Variants in PDGFRA observed in about 807,000 individuals in gnomAD.
PDGFRA encodes platelet-derived growth factor receptor alpha.
PDGFRA carries 25 observed loss-of-function variants against 121.5 expected under a neutral mutation model. The ratio of observed to expected loss-of-function variants is 0.21; its 90% CI spans 0.15 to 0.29. PDGFRA has a LOEUF of 0.29. Among genes scored for constraint, PDGFRA ranks in the 10% least tolerant of loss-of-function variants. PDGFRA has a pLI of 1.00. For synonymous variants in PDGFRA, 463 were observed against 494.8 expected (o/e 0.94, Z 0.85); for missense variants, 1,008 against 1,345.1 (o/e 0.75, Z 3.92).
chr4:54,262,182 G>A (rs146118046), intron 3 of PDGFRA, among the ~76,000 whole-genome samples: 104 of 151,572 alleles, frequency 6.9e-4, no homozygotes, highest in African/African-American at 2.2e-3. Context: ...TGCCTGCTTC[G>A]GCCTCCCAAA....
At position 54,277,020 on chromosome 4, in the gene PDGFRA, A is replaced by T. The variant is rs192566867; in HGVS notation, c.1787-368A>T. On this transcript the variant is annotated intron_variant, in intron 12 of 22. Transcript: ENST00000257290. ...TAAGACAAAAGATGCCCCTGTTTGC[A>T]TATGGAAAACAGAAGGGGAGAGAGC... 7.9e-3 allele frequency among the ~76,000 whole-genome samples: 1,197 copies of T among 152,266 alleles called. 58 individuals are homozygous for T. Among genetic ancestry groups the T allele is most frequent in the Admixed American group, 0.072 (1,108 of 15,288 alleles).
intron 14 of PDGFRA, 51 bp downstream of exon 14, chr4:54,278,057 G>T: frequency 9.0e-7 from 1 of 1,108,464 alleles, no homozygotes; most frequent in South Asian, 1.3e-5. Context: ...ATGTGGTTGT[G>T]AAAACTGTTC....
At chr4:54,285,735 A>G (rs2110336788) in intron 17 of PDGFRA, 106 bp from the exon 18 acceptor site, 2 of 1,240,046 alleles carry the variant, frequency 1.6e-6, no homozygotes, top group Admixed American at 1.7e-5. Context: ...CTTTATATCC[A>G]GGCAGACAGC....
At chr4:54,239,427 A>G (rs573360259) in intron 1 of PDGFRA, among the ~76,000 whole-genome samples, 104 of 152,332 alleles carry the variant, frequency 6.8e-4, no homozygotes, top group Non-Finnish European at 1.0e-3. Flanking sequence ...TCCTTCCTGC[A>G]TGAAGCCAAG....
intron 1 of PDGFRA, among the ~76,000 whole-genome samples, chr4:54,253,832 G>A (rs886926066): frequency 3.3e-5 from 5 of 152,030 alleles, no homozygotes; most frequent in Non-Finnish European, 7.4e-5. Context: ...CTACAGGAGT[G>A]TGCCACCATG....
At chr4:54,268,670 C>G (rs149433988) in intron 7 of PDGFRA, among the ~76,000 whole-genome samples, 34 of 149,986 alleles carry the variant, frequency 2.3e-4, no homozygotes, top group African/African-American at 7.8e-4. Flanking sequence ...AATTTTACAG[C>G]CTCTATAGAA....
At chr4:54,231,029 C>A (rs1399737274) in intron 1 of PDGFRA, among the ~76,000 whole-genome samples, 1 of 152,228 alleles carries the variant, frequency 6.6e-6, no homozygotes, top group Non-Finnish European at 1.5e-5. Context: ...TGTGCGAGAG[C>A]TGCCGATGGC....
intron 16 of PDGFRA, among the ~76,000 whole-genome samples, chr4:54,281,076 A>G (rs1016163053): frequency 2.0e-5 from 3 of 152,202 alleles, no homozygotes; most frequent in Non-Finnish European, 4.4e-5. Context: ...AGGTGGGTCT[A>G]TCTGTTTTTC....
intron 1 of PDGFRA, among the ~76,000 whole-genome samples, chr4:54,256,548 A>AT (rs112937152): frequency 0.047 from 6,714 of 143,908 alleles, 500 homozygotes; most frequent in African/African-American, 0.16. Context: ...TCTACAAATA[A>AT]TTTTTTTTTT....
chr4:54,257,303 T>A (rs1722427968), intron 1 of PDGFRA, among the ~76,000 whole-genome samples: 1 of 152,228 alleles, frequency 6.6e-6, no homozygotes, highest in Non-Finnish European at 1.5e-5. Flanking sequence ...TCATGAATAA[T>A]GCACCCTTAG....
intron 1 of PDGFRA, chr4:54,229,841 G>A (rs760905384): frequency 6.6e-6 from 1 of 152,346 alleles, no homozygotes; most frequent in Admixed American, 6.6e-5. Context: ...GTCCTGGAAG[G>A]CGACAGGTTT....
intron 1 of PDGFRA, among the ~76,000 whole-genome samples, chr4:54,230,145 G>C (rs963067125): frequency 6.6e-6 from 1 of 152,048 alleles, no homozygotes; most frequent in Admixed American, 6.5e-5. Context: ...AGGCGGCTGC[G>C]GGACAAGCAG....
Position 54,295,155 on chromosome 4 carries a change from G to T in PDGFRA, c.3153G>T (p.Glu1051Asp). The change falls in exon 23 of 23, where the codon GAG becomes GAT. Residue 1051 changes from glutamate to aspartate, a missense_variant. Transcript: ENST00000257290. Reference sequence around the variant, plus strand: ...AGACCTCTGAAGAGAGTGCCATTGAGACGGGTTCCAGCAGTTCCACCTTCA... The same window carrying T: ...AGACCTCTGAAGAGAGTGCCATTGATACGGGTTCCAGCAGTTCCACCTTCA... ...SSQTSEESAI[E>D]TGSSSSTFIK... The T allele has an allele frequency of 6.2e-7, 1 of 1,614,144 alleles. No individual in the cohort carries two copies. Among genetic ancestry groups the T allele is most frequent in the Non-Finnish European group, 8.5e-7 (1 of 1,180,012 alleles).
rs1400502000 is a variant in PDGFRA, at chr4:54,278,443, G to A, written c.2084G>A (p.Ser695Asn). ...CATAAGAATAGGGATAGCTTCCTGA[G>A]CCACCACCCAGAGAAGCCAAAGAAA... ...YLHKNRDSFL[S>N]HHPEKPKKEL... The change falls in exon 15 of 23, where the codon AGC becomes AAC. Residue 695 changes from serine to asparagine, a missense_variant. Ser to Asn is a conservative substitution (Grantham distance 46). Transcript: ENST00000257290. The A allele has an allele frequency of 6.2e-7, 1 of 1,613,848 alleles. No individual in the cohort carries two copies. Among genetic ancestry groups the A allele is most frequent in the Admixed American group, 1.7e-5 (1 of 60,012 alleles).
intron 21 of PDGFRA, among the ~76,000 whole-genome samples, chr4:54,289,322 C>T (rs1245879505): frequency 6.6e-6 from 1 of 152,140 alleles, no homozygotes; most frequent in Non-Finnish European, 1.5e-5. Context: ...TTCCTTTCAT[C>T]TTATATGTAC....
chr4:54,251,806 C>T (rs933952221), intron 1 of PDGFRA, among the ~76,000 whole-genome samples: 1 of 152,180 alleles, frequency 6.6e-6, no homozygotes, highest in Non-Finnish European at 1.5e-5. Flanking sequence ...TGGCTCAAGG[C>T]TTTAAGAAGC....
intron 17 of PDGFRA, 60 bp downstream of exon 17, chr4:54,285,546 G>C (rs1231627444): frequency 1.2e-6 from 1 of 801,218 alleles, no homozygotes; most frequent in African/African-American, 1.7e-5. Context: ...AGTGTGGACG[G>C]AGATGCTAGG....
chr4:54,256,152 G>A (rs979080925), intron 1 of PDGFRA, among the ~76,000 whole-genome samples: 3 of 152,170 alleles, frequency 2.0e-5, no homozygotes, highest in Non-Finnish European at 2.9e-5. Flanking sequence ...GGAGGCCAAC[G>A]CAGGAGGATT....
intron 16 of PDGFRA, chr4:54,282,004 C>A: frequency 9.7e-7 from 1 of 1,034,190 alleles, no homozygotes; most frequent in Non-Finnish European, 1.2e-6. Flanking sequence ...TGTATGTGTG[C>A]TCCATGTATT....
Sources: allele counts gnomAD v4.1 joint callset (sites outside exome capture counted in the v4.1 genomes callset), GRCh38; gene constraint gnomAD v4.1.1; transcripts MANE v1.5; gene names NCBI Gene and HGNC (gene_info 2026-07-23, HGNC 2026-07-21).